CDH10: variants seen among roughly 807,000 people sequenced by gnomAD.
CDH10 encodes cadherin-10.
A neutral mutation model predicts 73.1 loss-of-function variants in CDH10; 30 were observed. The ratio of observed to expected loss-of-function variants is 0.41; its 90% CI spans 0.31 to 0.56. The LOEUF (loss-of-function observed/expected upper bound fraction) is 0.56, where lower values mean the gene tolerates loss of function less well. CDH10 is among the 20% of genes least tolerant of loss of function. CDH10 has a pLI of 0.27. For missense variants in CDH10, 815 were observed against 973.7 expected (o/e 0.84, Z 2.17); for synonymous variants, 345 against 348.2 (o/e 0.99, Z 0.10).
chr5:24,493,111 T>A (rs1184139025), intron 9 of CDH10, 186 bp from the exon 10 acceptor site: 1 of 462,396 alleles, frequency 2.2e-6, no homozygotes, highest in African/African-American at 2.0e-5. Flanking sequence ...CTCTCTCATC[T>A]CTGTGTCTTT....
At chr5:24,617,986 A>G (rs902118498) in intron 1 of CDH10, among the ~76,000 whole-genome samples, 1 of 152,132 alleles carries the variant, frequency 6.6e-6, no homozygotes, top group Non-Finnish European at 1.5e-5. Context: ...ATGTTATGTG[A>G]TTTTATCTGT....
At chr5:24,572,891 T>A (rs34649520) in intron 2 of CDH10, among the ~76,000 whole-genome samples, 53,919 of 133,104 alleles carry the variant, frequency 0.41, 12,488 homozygotes, top group East Asian at 0.55. Flanking sequence ...CTTTATTCAG[T>A]CATAAGGACC....
At position 24,511,523 on chromosome 5, in the gene CDH10, T is replaced by C. The variant is rs929685452; in HGVS notation, c.815-9A>G. 7.4e-7 allele frequency: 1 copy of C among 1,347,498 alleles called. No homozygotes were observed. Among genetic ancestry groups the C allele is most frequent in the Non-Finnish European group, 1.0e-6 (1 of 959,660 alleles). 83.5% of individuals were successfully genotyped at this position (1,347,498 alleles called of 1,614,324 possible). A position where few individuals can be genotyped will look rare whatever the true frequency, so the allele number is the denominator to read the frequency against. ...TCGAAGATGAATAGTGTCTGTAAAG[T>C]ATAAAGAAAAGAAGAGAGAGACAGA... On this transcript the variant is annotated splice_polypyrimidine_tract_variant and intron_variant, in intron 5 of 11. Coordinates refer to ENST00000264463, the MANE Select transcript of CDH10 (RefSeq NM_006727.5).
chr5:24,623,742 G>A (rs1332941465), intron 1 of CDH10, among the ~76,000 whole-genome samples: 6 of 152,194 alleles, frequency 3.9e-5, no homozygotes, highest in Non-Finnish European at 7.3e-5. Flanking sequence ...GTAGAAGGCA[G>A]TGCTGAATTC....
intron 5 of CDH10, among the ~76,000 whole-genome samples, chr5:24,524,186 T>C (rs1743441641): frequency 1.3e-5 from 2 of 152,124 alleles, no homozygotes; most frequent in South Asian, 4.1e-4. Flanking sequence ...TAGGACAAGA[T>C]TTATTGGGTC....
At chr5:24,574,956 T>C (rs1319778600) in intron 2 of CDH10, among the ~76,000 whole-genome samples, 1 of 152,002 alleles carries the variant, frequency 6.6e-6, no homozygotes. Context: ...CCTCAATATG[T>C]TATTTAGAAA....
Position 24,572,706 on chromosome 5 carries a change from A to G in CDH10, c.231+20554T>C, listed in dbSNP as rs148160416. Among the ~76,000 whole-genome samples, 215 of 152,196 alleles carry G rather than the reference A, an allele frequency of 1.4e-3. 3 individuals are homozygous for G. Among genetic ancestry groups the G allele is most frequent in the African/African-American group, 5.0e-3 (209 of 41,524 alleles). On this transcript the variant is annotated intron_variant, in intron 2 of 11. Transcript: ENST00000264463. ...TGTATGTATGAGACTAAAAGAGGAG[A>G]AAATTTACAGTATAAGTAGTCTTAG...
intron 5 of CDH10, among the ~76,000 whole-genome samples, chr5:24,533,852 A>G (rs545708596): frequency 3.8e-4 from 58 of 152,232 alleles, no homozygotes; most frequent in African/African-American, 1.2e-3. Flanking sequence ...GCCTTGCCCT[A>G]TGAGTTCTGG....
chr5:24,500,135 T>C (rs151316910), intron 8 of CDH10, among the ~76,000 whole-genome samples: 257 of 152,300 alleles, frequency 1.7e-3, no homozygotes, highest in East Asian at 7.7e-4. Context: ...AATTTTCAGA[T>C]ACAAAGGTAA....
intron 1 of CDH10, among the ~76,000 whole-genome samples, chr5:24,603,718 GA>G (rs112600816): frequency 4.7e-5 from 7 of 149,128 alleles, no homozygotes; most frequent in African/African-American, 7.4e-5. Flanking sequence ...ATACTTGCTG[GA>G]AAAAAAAAAT....
chr5:24,567,453 T>C (rs1745205435), intron 2 of CDH10, among the ~76,000 whole-genome samples: 1 of 151,496 alleles, frequency 6.6e-6, no homozygotes, highest in Non-Finnish European at 1.5e-5. Flanking sequence ...GGAAGAGCAC[T>C]CACTCAGCAA....
At chr5:24,612,795 T>G (rs577318810) in intron 1 of CDH10, 1 of 152,336 alleles carries the variant, frequency 6.6e-6, no homozygotes, top group African/African-American at 2.4e-5. Context: ...TAAGATTGAT[T>G]AATAGACATA....
chr5:24,488,791 A>AC (rs57502555), intron 11 of CDH10, among the ~76,000 whole-genome samples: 6,464 of 131,024 alleles, frequency 0.049, 195 homozygotes, highest in East Asian at 0.085. Context: ...CTTGCATGAG[A>AC]CCCCCCCCCC....
chr5:24,621,945 G>A (rs1183550114), intron 1 of CDH10, among the ~76,000 whole-genome samples: 1 of 152,154 alleles, frequency 6.6e-6, no homozygotes, highest in Non-Finnish European at 1.5e-5. Flanking sequence ...TAGTATGACT[G>A]GAGTGCTGTG....
chr5:24,569,957 G>T (rs1745312099), intron 2 of CDH10, among the ~76,000 whole-genome samples: 1 of 151,716 alleles, frequency 6.6e-6, no homozygotes, highest in Admixed American at 6.6e-5. Context: ...GTAGAGACGG[G>T]GTTTCACCAT....
rs187087282 is a variant in CDH10 at position 24,505,018 on chromosome 5, T to C, written c.1393+94A>G. Reference sequence around the variant, plus strand: ...TCCAATGAGAATGAATTATTTTTAATGTAAAATAAAACCTATAAAATATGT... The same window carrying C: ...TCCAATGAGAATGAATTATTTTTAACGTAAAATAAAACCTATAAAATATGT... On this transcript the variant is annotated intron_variant, in intron 8 of 11. Transcript: ENST00000264463. The C allele has an allele frequency of 2.0e-3, 1,710 of 865,496 alleles. 4 individuals carry two copies. Among genetic ancestry groups the C allele is most frequent in the Non-Finnish European group, 2.5e-3 (1,449 of 569,994 alleles). The allele number at this position is 865,496 out of a possible 1,614,324, so 53.6% of individuals were successfully genotyped here.
chr5:24,608,122 A>G (rs1210733299), intron 1 of CDH10, among the ~76,000 whole-genome samples: 1 of 152,162 alleles, frequency 6.6e-6, no homozygotes, highest in Non-Finnish European at 1.5e-5. Flanking sequence ...CTTATATTAA[A>G]AAAAGATTGC....
At chr5:24,574,336 A>C (rs1383306127) in intron 2 of CDH10, among the ~76,000 whole-genome samples, 1 of 152,096 alleles carries the variant, frequency 6.6e-6, no homozygotes, top group African/African-American at 2.4e-5. Context: ...TATTCAATTC[A>C]TTTACAGATA....
intron 2 of CDH10, among the ~76,000 whole-genome samples, chr5:24,557,256 T>A (rs561065011): frequency 1.3e-5 from 2 of 151,902 alleles, no homozygotes; most frequent in Non-Finnish European, 3.0e-5. Context: ...TCCAGATAAT[T>A]TTTTAATTTG....
Sources: allele counts gnomAD v4.1 joint callset (sites outside exome capture counted in the v4.1 genomes callset), GRCh38; gene constraint gnomAD v4.1.1; transcripts MANE v1.5; gene names NCBI Gene and HGNC (gene_info 2026-07-23, HGNC 2026-07-21).